PABPC4L: variants seen among roughly 807,000 people sequenced by gnomAD.
PABPC4L encodes polyadenylate-binding protein 4-like.
For synonymous variants in PABPC4L, 169 were observed against 164.1 expected, an observed-to-expected ratio of 1.03 and a Z score of -0.23; for missense variants, 452 against 451.4, an observed-to-expected ratio of 1.00 and a Z score of -0.01.
the PABPC4L span, among the ~76,000 whole-genome samples, chr4:133,996,648 C>T: frequency 4.5e-4 from 69 of 152,278 alleles, no homozygotes; most frequent in East Asian, 0.012. Context: ...CAGGGCACCA[C>T]CTGCCTCTAA....
chr4:134,145,443 C>A, the PABPC4L span, among the ~76,000 whole-genome samples: 2 of 151,660 alleles, frequency 1.3e-5, no homozygotes, highest in South Asian at 4.1e-4. Context: ...GATATTAAAC[C>A]CCCCTTCCCA....
At chr4:134,051,865 A>G in the PABPC4L span, among the ~76,000 whole-genome samples, 1 of 152,154 alleles carries the variant, frequency 6.6e-6, no homozygotes, top group African/African-American at 2.4e-5. Flanking sequence ...TAATGTTTAT[A>G]CATGTCTTCA....
the PABPC4L span, among the ~76,000 whole-genome samples, chr4:134,138,554 T>C: frequency 4.6e-4 from 70 of 152,002 alleles, no homozygotes; most frequent in African/African-American, 1.6e-3. Context: ...AATATTTTCT[T>C]TTTATATAAA....
chr4:134,035,688 T>C, the PABPC4L span, among the ~76,000 whole-genome samples: 463 of 152,140 alleles, frequency 3.0e-3, 2 homozygotes, highest in Non-Finnish European at 5.2e-3. Context: ...AGTATCACTA[T>C]ACTAATGTAT....
the PABPC4L span, among the ~76,000 whole-genome samples, chr4:133,994,437 C>T: frequency 1.3e-5 from 2 of 152,072 alleles, no homozygotes; most frequent in Non-Finnish European, 2.9e-5. Context: ...GGCATAGGCA[C>T]AATTAGAGGT....
the PABPC4L span, among the ~76,000 whole-genome samples, chr4:134,175,990 G>C: frequency 4.2e-3 from 646 of 152,216 alleles, 5 homozygotes; most frequent in African/African-American, 0.013. Context: ...TTACAAAGAT[G>C]TTTAAGCTAA....
chr4:134,038,174 A>G, the PABPC4L span, among the ~76,000 whole-genome samples: 2 of 152,104 alleles, frequency 1.3e-5, no homozygotes, highest in African/African-American at 4.8e-5. Context: ...GATGAAGCCG[A>G]CTTGATCATG....
At chr4:134,154,508 T>C in the PABPC4L span, among the ~76,000 whole-genome samples, 1 of 152,078 alleles carries the variant, frequency 6.6e-6, no homozygotes, top group Admixed American at 6.6e-5. Context: ...GAATTTTACA[T>C]ATGATTTGCA....
the PABPC4L span, among the ~76,000 whole-genome samples, chr4:133,987,584 C>T: frequency 1.3e-5 from 2 of 151,956 alleles, no homozygotes; most frequent in South Asian, 2.1e-4. Context: ...CCCATAATCA[C>T]CAACAAGCCT....
chr4:133,966,378 G>A, the PABPC4L span, among the ~76,000 whole-genome samples: 3 of 152,242 alleles, frequency 2.0e-5, no homozygotes, highest in South Asian at 2.1e-4. Flanking sequence ...TAGTAAAACC[G>A]TTATGCAAAA....
At chr4:133,978,569 G>A in the PABPC4L span, among the ~76,000 whole-genome samples, 1 of 152,050 alleles carries the variant, frequency 6.6e-6, no homozygotes, top group East Asian at 1.9e-4. Context: ...GTGTGTGTGT[G>A]TGTGTGTTGT....
chr4:134,172,644 A>G, the PABPC4L span, among the ~76,000 whole-genome samples: 1 of 152,078 alleles, frequency 6.6e-6, no homozygotes, highest in African/African-American at 2.4e-5. Context: ...TTGCAACGAC[A>G]ACAAAAAACT....
the PABPC4L span, among the ~76,000 whole-genome samples, chr4:134,112,569 ACTATCTATCTAT>A: frequency 0.028 from 4,116 of 147,928 alleles, 93 homozygotes; most frequent in African/African-American, 0.063. Context: ...GCTCCACGTA[ACTATCTATCTAT>A]CTATCTATCT....
At chr4:134,006,726 A>G in the PABPC4L span, among the ~76,000 whole-genome samples, 2 of 151,942 alleles carry the variant, frequency 1.3e-5, no homozygotes, top group Non-Finnish European at 2.9e-5. Context: ...TGCCACTTCT[A>G]CATTACATTC....
the PABPC4L span, among the ~76,000 whole-genome samples, chr4:134,081,127 A>C: frequency 6.6e-6 from 1 of 152,186 alleles, no homozygotes; most frequent in Non-Finnish European, 1.5e-5. Context: ...TTTGAAAGTA[A>C]AAGTAGGTAT....
chr4:134,000,590 T>C, the PABPC4L span, among the ~76,000 whole-genome samples: 2 of 152,148 alleles, frequency 1.3e-5, no homozygotes, highest in Admixed American at 6.6e-5. Context: ...CTCAGATAAC[T>C]CATTAACTTT....
the PABPC4L span, among the ~76,000 whole-genome samples, chr4:134,188,185 T>G: frequency 6.6e-6 from 1 of 151,950 alleles, no homozygotes; most frequent in East Asian, 1.9e-4. Context: ...GTCCACTAAT[T>G]AAAAAAACAA....
At chr4:134,101,968 T>C in the PABPC4L span, among the ~76,000 whole-genome samples, 5 of 151,648 alleles carry the variant, frequency 3.3e-5, no homozygotes, top group South Asian at 8.3e-4. Context: ...CTTTGTCTCA[T>C]TTTATAGAAT....
At chr4:133,988,472 A>G in the PABPC4L span, among the ~76,000 whole-genome samples, 1 of 152,190 alleles carries the variant, frequency 6.6e-6, no homozygotes, top group Non-Finnish European at 1.5e-5. Flanking sequence ...TCAAAATCTA[A>G]TAGGGTAGTC....
Sources: gnomAD v4.1 joint callset for allele counts (sites outside exome capture counted in the v4.1 genomes callset) on GRCh38, gnomAD v4.1.1 for gene constraint, MANE v1.5 for transcripts, NCBI Gene and HGNC (gene_info 2026-07-23, HGNC 2026-07-21) for gene names.